Variants in DCDC1 observed in about 807,000 individuals in gnomAD.
DCDC1 encodes the protein doublecortin domain containing 1.
DCDC1 carries 200 observed loss-of-function variants against 178.3 expected under a neutral mutation model. That is an observed-to-expected ratio of 1.12 (90% confidence interval 1.00 to 1.26). The LOEUF (loss-of-function observed/expected upper bound fraction) is 1.26, where lower values mean the gene tolerates loss of function less well. Ranked by LOEUF, DCDC1 falls within the 50% of genes most tolerant of loss-of-function variation. The probability of loss-of-function intolerance (pLI) is 0.00; values close to 1 mark genes in which losing one functional copy is unlikely to be tolerated. For synonymous variants in DCDC1, 690 were observed against 604.8 expected (o/e 1.14, Z -2.07); for missense variants, 1,983 against 1,749.2 (o/e 1.13, Z -2.38).
chr11:30,951,231 T>G (rs1386663932), intron 21 of DCDC1, among the ~76,000 whole-genome samples: 7 of 152,034 alleles, frequency 4.6e-5, no homozygotes, highest in Non-Finnish European at 1.0e-4. Context: ...GAGAAGATAT[T>G]AAAACCAACC....
At chr11:31,216,306 T>C (rs959045702) in intron 9 of DCDC1, among the ~76,000 whole-genome samples, 10 of 152,136 alleles carry the variant, frequency 6.6e-5, no homozygotes, top group African/African-American at 1.4e-4. Context: ...TGCTTACGAA[T>C]TGGAATTTAT....
intron 37 of DCDC1, among the ~76,000 whole-genome samples, chr11:30,879,837 T>A (rs537864574): frequency 6.6e-6 from 1 of 152,226 alleles, no homozygotes; most frequent in African/African-American, 2.4e-5. Flanking sequence ...GCCTGAAGCA[T>A]ATTTAGCTTT....
intron 9 of DCDC1, among the ~76,000 whole-genome samples, chr11:31,234,107 ATAT>A (rs1384561961): frequency 6.6e-6 from 1 of 152,206 alleles, no homozygotes; most frequent in Non-Finnish European, 1.5e-5. Flanking sequence ...CCAGTCACAC[ATAT>A]TAAGTGTTGA....
rs774470847 is a variant in DCDC1, at chr11:30,906,633, T to C, written c.4011A>G (p.Gln1337=). The change falls in exon 30 of 39, where the codon CAA becomes CAG. Residue 1337 remains glutamine, a synonymous_variant. Coordinates refer to ENST00000684477, the MANE Select transcript of DCDC1 (RefSeq NM_001387274.1). ...AGAGGAATGGAACCCCTGGAAGCAATTGTTTCAGTCCTTTCTCTGTTCTCA... is the reference window on the plus strand; with the variant it reads ...AGAGGAATGGAACCCCTGGAAGCAACTGTTTCAGTCCTTTCTCTGTTCTCA... The part of the protein sequence containing the change: ...QSMRTEKGLK[Q]LLPGVPFLCI... The C allele has an allele frequency of 6.2e-6, 10 of 1,613,492 alleles. No individual in the cohort carries two copies. In the East Asian group the frequency reaches 1.3e-4, roughly 22 times the overall value.
rs192722140 is a variant in DCDC1 at position 31,133,052 on chromosome 11, G to T, written c.1314+4640C>A. The stretch of plus-strand genomic sequence containing the variant: ...AATTAAATTCTCAAGATGATTTATA[G>T]TCAGAGCAAAGTGTTATTCTGTTTA... On this transcript the variant is annotated intron_variant, in intron 10 of 38. Transcript: ENST00000684477. 2.2e-3 allele frequency among the ~76,000 whole-genome samples: 335 copies of T among 152,306 alleles called. 2 individuals are homozygous for T. The highest frequency in any genetic ancestry group is 1.8e-3 in the Non-Finnish European group (123 of 68,024).
At chr11:31,211,309 A>T (rs748942843) in intron 9 of DCDC1, among the ~76,000 whole-genome samples, 1 of 152,222 alleles carries the variant, frequency 6.6e-6, no homozygotes, top group Non-Finnish European at 1.5e-5. Context: ...GGATACACTC[A>T]ATTTTCTATT....
chr11:30,971,525 TA>T (rs34238283), intron 20 of DCDC1, among the ~76,000 whole-genome samples: 7 of 146,974 alleles, frequency 4.8e-5, no homozygotes, highest in Middle Eastern at 3.6e-3. Context: ...TTGAATGACA[TA>T]AAAAAATACA....
chr11:31,009,978 TGAG>T (rs1952078116), intron 20 of DCDC1, among the ~76,000 whole-genome samples: 1 of 152,152 alleles, frequency 6.6e-6, no homozygotes, highest in Non-Finnish European at 1.5e-5. Flanking sequence ...TTCACTATCA[TGAG>T]AACAGCATGA....
At chr11:30,874,898 A>G (rs769484425) in intron 38 of DCDC1, among the ~76,000 whole-genome samples, 12 of 152,228 alleles carry the variant, frequency 7.9e-5, no homozygotes, top group Non-Finnish European at 1.3e-4. Flanking sequence ...ACAGAGGGAT[A>G]CCACAGACAA....
intron 9 of DCDC1, among the ~76,000 whole-genome samples, chr11:31,145,720 A>C (rs529830600): frequency 4.2e-4 from 64 of 152,310 alleles, no homozygotes; most frequent in Non-Finnish European, 7.6e-4. Context: ...GGCAGACGTG[A>C]TTCTCAGCTG....
At chr11:31,084,527 T>G (rs56402103) in intron 17 of DCDC1, among the ~76,000 whole-genome samples, 51,735 of 151,874 alleles carry the variant, frequency 0.34, 9,186 homozygotes, top group Middle Eastern at 0.38. Context: ...CAGTGAGAAC[T>G]TCCAGTTTTC....
At chr11:31,280,450 T>C (rs974266867) in intron 7 of DCDC1, among the ~76,000 whole-genome samples, 3 of 152,206 alleles carry the variant, frequency 2.0e-5, no homozygotes, top group African/African-American at 4.8e-5. Context: ...TAAACAGTGA[T>C]AGCATTTACT....
intron 11 of DCDC1, among the ~76,000 whole-genome samples, chr11:31,121,061 A>G (rs1486039776): frequency 1.3e-5 from 2 of 152,132 alleles, no homozygotes; most frequent in Non-Finnish European, 2.9e-5. Context: ...TTAGAATAGT[A>G]AGAAATTGCT....
At chr11:31,059,637 T>C (rs1955803496) in intron 20 of DCDC1, among the ~76,000 whole-genome samples, 1 of 152,056 alleles carries the variant, frequency 6.6e-6, no homozygotes, top group Non-Finnish European at 1.5e-5. Flanking sequence ...GAAATGGAGC[T>C]GTAGCAATTT....
At chr11:31,107,992 T>C (rs1356967978) in intron 12 of DCDC1, among the ~76,000 whole-genome samples, 3 of 152,258 alleles carry the variant, frequency 2.0e-5, no homozygotes, top group South Asian at 4.2e-4. Context: ...TTAATCCCCA[T>C]TGAGGGTATA....
intron 20 of DCDC1, among the ~76,000 whole-genome samples, chr11:31,013,611 G>A (rs1037369837): frequency 4.6e-5 from 7 of 152,136 alleles, no homozygotes; most frequent in Non-Finnish European, 8.8e-5. Flanking sequence ...TCACAGGAAC[G>A]TAAGAGAATA....
intron 20 of DCDC1, among the ~76,000 whole-genome samples, chr11:31,026,240 A>C (rs1953224649): frequency 6.6e-6 from 1 of 151,796 alleles, no homozygotes; most frequent in African/African-American, 2.4e-5. Context: ...TAGGACTTAC[A>C]ACATTACTGC....
chr11:30,967,912 GA>G (rs975920209), intron 20 of DCDC1, among the ~76,000 whole-genome samples: 1 of 151,918 alleles, frequency 6.6e-6, no homozygotes, highest in East Asian at 1.9e-4. Context: ...GTTAGGTAGA[GA>G]AAAAAAATGA....
chr11:31,036,251 T>C lies in DCDC1; in HGVS notation c.2591+28218A>G, dbSNP rs199916647. Among the ~76,000 whole-genome samples, 3 of 152,232 alleles carry C rather than the reference T, an allele frequency of 2.0e-5. No homozygotes were observed. The East Asian group carries it at 5.8e-4, about 29-fold the overall frequency. On this transcript the variant is annotated intron_variant, in intron 20 of 38. Transcript: ENST00000684477. The stretch of plus-strand genomic sequence containing the variant: ...TGTGCTTCAACTGAAAGCTTATTTA[T>C]TCTCCTTATTTATTCTGAACTTGAG...
Sources: gnomAD v4.1 joint callset for allele counts (sites outside exome capture counted in the v4.1 genomes callset) on GRCh38, gnomAD v4.1.1 for gene constraint, MANE v1.5 for transcripts, NCBI Gene and HGNC (gene_info 2026-07-23, HGNC 2026-07-21) for gene names.